The following DNMBP variants were observed in gnomAD, a reference collection of about 807,000 sequenced individuals.
DNMBP encodes the protein dynamin-binding protein.
Under a neutral mutation model 150.0 loss-of-function variants are expected in DNMBP, and 87 were observed. The ratio of observed to expected loss-of-function variants is 0.58; its 90% confidence interval spans 0.49 to 0.69. The LOEUF is 0.69. DNMBP is among the 30% of genes least tolerant of loss of function. DNMBP has a pLI of 0.00. For synonymous variants in DNMBP, 711 were observed against 750.4 expected, an observed-to-expected ratio of 0.95 and a Z score of 0.86; for missense variants, 1,774 against 1,949.0, an observed-to-expected ratio of 0.91 and a Z score of 1.69.
intron 1 of DNMBP, among the ~76,000 whole-genome samples, chr10:100,006,208 G>A (rs2133395713): frequency 6.6e-6 from 1 of 152,298 alleles, no homozygotes; most frequent in South Asian, 2.1e-4. Flanking sequence ...CTCATGACCT[G>A]ACAATCTGAC....
At chr10:99,904,636 C>T (rs2039797477) in intron 6 of DNMBP, among the ~76,000 whole-genome samples, 1 of 152,180 alleles carries the variant, frequency 6.6e-6, no homozygotes. Flanking sequence ...CACCCACCAT[C>T]CCTCCTCTAA....
intron 4 of DNMBP, among the ~76,000 whole-genome samples, chr10:99,939,433 AAAAATTATAACACTGAG>A (rs1170668169): frequency 6.6e-6 from 1 of 152,262 alleles, no homozygotes; most frequent in Non-Finnish European, 1.5e-5. Flanking sequence ...ACCTCTTTGC[AAAAATTATAACACTGAG>A]AAAATTATAA....
At chr10:99,959,698 T>A (rs776048081) in intron 3 of DNMBP, among the ~76,000 whole-genome samples, 3 of 148,980 alleles carry the variant, frequency 2.0e-5, no homozygotes, top group Non-Finnish European at 3.0e-5. Flanking sequence ...ATTTAAAATT[T>A]AAAAAAAAAT....
In DNMBP at chr10:99,885,875, C is replaced by T. The variant is rs2039450956; in HGVS notation, c.3619-9G>A. Reference sequence around the variant, plus strand: ...CCAGCCACTTTGAGTAACTGGGGTCCATGGGAAGAGCAGAGATAGAGAAAA... The same window carrying T: ...CCAGCCACTTTGAGTAACTGGGGTCTATGGGAAGAGCAGAGATAGAGAAAA... On this transcript the variant is annotated splice_polypyrimidine_tract_variant and intron_variant, in intron 13 of 16. Coordinates refer to ENST00000324109, the MANE Select transcript of DNMBP (RefSeq NM_015221.4). 1.2e-6 allele frequency: 2 copies of T among 1,605,318 alleles called. No homozygotes were observed. Among genetic ancestry groups the T allele is most frequent in the African/African-American group, 1.3e-5 (1 of 74,660 alleles).
intron 1 of DNMBP, among the ~76,000 whole-genome samples, chr10:100,005,625 C>A (rs2041059949): frequency 6.6e-6 from 1 of 151,816 alleles, no homozygotes; most frequent in South Asian, 2.1e-4. Context: ...CGTGGTGGCG[C>A]ATGACTGTAA....
intron 1 of DNMBP, among the ~76,000 whole-genome samples, chr10:100,000,547 T>C: frequency 6.6e-6 from 1 of 152,214 alleles, no homozygotes; most frequent in African/African-American, 2.4e-5. Context: ...GATGGTTTCA[T>C]TTGCAATGTC....
intron 4 of DNMBP, chr10:99,930,691 A>G: frequency 1.4e-6 from 1 of 699,828 alleles, no homozygotes; most frequent in Non-Finnish European, 2.6e-6. Context: ...TAGTCTTCAT[A>G]CTCCCAGCTG....
intron 16 of DNMBP, among the ~76,000 whole-genome samples, chr10:99,877,861 G>A (rs369847039): frequency 2.5e-4 from 38 of 152,106 alleles, no homozygotes; most frequent in African/African-American, 8.7e-4. Context: ...GTGAGACTCT[G>A]TCTTGGAACA....
chr10:99,900,354 A>G (rs2039721158), intron 6 of DNMBP, among the ~76,000 whole-genome samples: 1 of 148,394 alleles, frequency 6.7e-6, no homozygotes, highest in Admixed American at 6.7e-5. Flanking sequence ...ATCTCAGCCC[A>G]CTGCAGACTC....
chr10:99,971,400 T>C (rs1279357589), intron 2 of DNMBP, among the ~76,000 whole-genome samples: 1 of 152,066 alleles, frequency 6.6e-6, no homozygotes, highest in Non-Finnish European at 1.5e-5. Flanking sequence ...GATGGTGTCT[T>C]GCTATGTTGA....
In DNMBP at chr10:99,972,102, C is replaced by T. The variant is rs933188045; in HGVS notation, c.23G>A (p.Arg8Gln). The T allele has an allele frequency of 4.3e-6, 7 of 1,613,370 alleles. No individual in the cohort carries two copies. The highest frequency in any genetic ancestry group is 5.9e-6 in the Non-Finnish European group (7 of 1,179,832). ...GCTAGGGCAGAAGTCAAAAATGGCT[C>T]GAACCACTGAGCCAGCCTCCATGTT... Reference protein sequence around the residue: MEAGSVVRAIFDFCPSVS... With the variant: MEAGSVVQAIFDFCPSVS... The change falls in exon 2 of 17, where the codon CGA becomes CAA. Residue 8 changes from arginine to glutamine, a missense_variant. By Grantham distance (43) the Arg-to-Gln change is conservative (BLOSUM62 1). Coordinates refer to ENST00000324109, the MANE Select transcript of DNMBP (RefSeq NM_015221.4).
chr10:99,899,198 T>TA (rs1261343183), intron 7 of DNMBP, among the ~76,000 whole-genome samples: 4 of 151,496 alleles, frequency 2.6e-5, no homozygotes, highest in African/African-American at 9.7e-5. Context: ...CTCCAAAAAA[T>TA]AAAAAAATAA....
rs780535449 is a variant in DNMBP at position 99,956,268 on chromosome 10, T to C, written c.1206A>G (p.Thr402=). Residue 402 remains threonine, a synonymous_variant, in exon 4 of 17, where the codon ACA becomes ACG. Transcript: ENST00000324109. ...CATTGACTACTTCTGTAGGGTCAGA[T>C]GTGGGAGAGTCTGTGGCAAGAGGCA... is the stretch of plus-strand genomic sequence containing the variant. ...WEMPLATDSP[T]SDPTEVVNGI... The C allele has an allele frequency of 1.9e-6, 3 of 1,613,504 alleles. No individual in the cohort carries two copies. Among genetic ancestry groups the C allele is most frequent in the South Asian group, 2.2e-5 (2 of 91,046 alleles).
At chr10:99,973,611 A>T (rs181210483) in intron 1 of DNMBP, among the ~76,000 whole-genome samples, 1 of 152,336 alleles carries the variant, frequency 6.6e-6, no homozygotes, top group East Asian at 1.9e-4. Flanking sequence ...GTTCCTACCT[A>T]CTGAGACTAT....
chr10:99,991,282 T>C (rs905160699), intron 1 of DNMBP, among the ~76,000 whole-genome samples: 8 of 151,958 alleles, frequency 5.3e-5, no homozygotes, highest in African/African-American at 1.9e-4. Context: ...TTTCACTATG[T>C]CAGCCAGGGT....
At chr10:99,955,163 G>A in intron 4 of DNMBP, 51 bp downstream of exon 4, 7 of 1,525,260 alleles carry the variant, frequency 4.6e-6, no homozygotes, top group Non-Finnish European at 6.3e-6. Context: ...GGCTGTTTCT[G>A]GGACTTGTGA....
chr10:99,945,558 A>T (rs933176848), intron 4 of DNMBP, among the ~76,000 whole-genome samples: 2 of 152,244 alleles, frequency 1.3e-5, no homozygotes, highest in African/African-American at 4.8e-5. Context: ...CAGATCTTAT[A>T]AGGGTAGTCT....
chr10:99,966,764 C>A (rs918983448), intron 3 of DNMBP, among the ~76,000 whole-genome samples: 1 of 151,908 alleles, frequency 6.6e-6, no homozygotes, highest in African/African-American at 2.4e-5. Context: ...AGCGTGGTGG[C>A]GTTTTCTCTC....
intron 4 of DNMBP, among the ~76,000 whole-genome samples, chr10:99,915,106 AAAATATAT>A (rs2039947119): frequency 9.7e-6 from 1 of 102,744 alleles, no homozygotes; most frequent in Admixed American, 1.0e-4. Flanking sequence ...AAAAAAAAAA[AAAATATAT>A]ATATATATAT....
Sources: gnomAD v4.1 joint callset for allele counts (sites outside exome capture counted in the v4.1 genomes callset) on GRCh38, gnomAD v4.1.1 for gene constraint, MANE v1.5 for transcripts, NCBI Gene and HGNC (gene_info 2026-07-23, HGNC 2026-07-21) for gene names.